SLC26A5: variants seen among roughly 807,000 people sequenced by gnomAD.
The protein encoded by SLC26A5 is prestin.
A neutral mutation model predicts 81.0 loss-of-function variants in SLC26A5; 51 were observed. That is an observed-to-expected ratio of 0.63 (90% confidence interval 0.50 to 0.80). The LOEUF is 0.80. Ranked by LOEUF, SLC26A5 falls within the 30% of genes least tolerant of loss-of-function variation. SLC26A5 has a pLI of 0.00. For missense variants in SLC26A5, 771 were observed against 905.8 expected, an observed-to-expected ratio of 0.85 and a Z score of 1.91; for synonymous variants, 325 against 332.8, an observed-to-expected ratio of 0.98 and a Z score of 0.25.
At chr7:103,354,430 G>A (rs900775734) in intron 19 of SLC26A5, among the ~76,000 whole-genome samples, 4 of 148,656 alleles carry the variant, frequency 2.7e-5, no homozygotes, top group African/African-American at 5.0e-5. Context: ...GTGCAATGGC[G>A]CGATCTTGGT....
intron 14 of SLC26A5, among the ~76,000 whole-genome samples, chr7:103,384,863 T>A (rs980729723): frequency 6.6e-6 from 1 of 152,146 alleles, no homozygotes; most frequent in African/African-American, 2.4e-5. Context: ...CATTACTTCA[T>A]TGTCCTTATT....
chr7:103,374,673 A>T, intron 19 of SLC26A5, 81 bp from the exon 20 acceptor site: 2 of 1,210,490 alleles, frequency 1.7e-6, no homozygotes, highest in Non-Finnish European at 2.3e-6. Context: ...ACTTCCATAT[A>T]GTGTTTTTTT....
At chr7:103,381,192 C>G (rs1003632638) in intron 14 of SLC26A5, among the ~76,000 whole-genome samples, 1 of 151,244 alleles carries the variant, frequency 6.6e-6, no homozygotes, top group Non-Finnish European at 1.5e-5. Context: ...TACACACATA[C>G]CATATACACC....
In SLC26A5 at chr7:103,390,320, G is replaced by A. The variant is rs1822543750; in HGVS notation, c.1311+109C>T. Reference sequence around the variant, plus strand: ...CCTTGGCCCTTTCTCATACCATCCTGTGAGGGTTACAGTAAATAACCCTAA... The same window carrying A: ...CCTTGGCCCTTTCTCATACCATCCTATGAGGGTTACAGTAAATAACCCTAA... On this transcript the variant is annotated intron_variant, in intron 12 of 19. Transcript: ENST00000306312. 5.9e-6 allele frequency: 6 copies of A among 1,017,490 alleles called. No individual in the cohort carries two copies. The South Asian group carries it at 7.8e-5, about 13-fold the overall frequency. The allele number at this position is 1,017,490 out of a possible 1,614,324, so 63.0% of individuals were successfully genotyped here.
At chr7:103,374,158 A>G (rs544810791), downstream of SLC26A5, 25 of 1,292,082 alleles carry the variant, frequency 1.9e-5, no homozygotes, top group African/African-American at 3.6e-4. Flanking sequence ...AGATAATACT[A>G]GAATGTAGCA....
intron 1 of SLC26A5, among the ~76,000 whole-genome samples, chr7:103,444,512 C>T (rs1827129397): frequency 1.3e-5 from 2 of 152,246 alleles, no homozygotes; most frequent in Admixed American, 1.3e-4. Context: ...CCTCACAAGG[C>T]AATCCATTGA....
intron 1 of SLC26A5, among the ~76,000 whole-genome samples, chr7:103,443,907 T>C (rs2041004): frequency 4.6e-5 from 7 of 152,132 alleles, no homozygotes; most frequent in Non-Finnish European, 8.8e-5. Flanking sequence ...AGATTTTGAA[T>C]GGGTGAGCTT....
At chr7:103,421,974 A>G (rs138755362) in intron 2 of SLC26A5, among the ~76,000 whole-genome samples, 1 of 152,300 alleles carries the variant, frequency 6.6e-6, no homozygotes, top group African/African-American at 2.4e-5. Context: ...TATTAGCCTC[A>G]TTTCCAATTC....
chr7:103,435,990 A>G (rs1460984864), intron 2 of SLC26A5, among the ~76,000 whole-genome samples: 1 of 152,174 alleles, frequency 6.6e-6, no homozygotes. Context: ...AAATTTATAA[A>G]ACACATTTTA....
intron 1 of SLC26A5, among the ~76,000 whole-genome samples, chr7:103,444,423 C>A (rs1586425761): frequency 6.6e-6 from 1 of 152,188 alleles, no homozygotes; most frequent in East Asian, 1.9e-4. Context: ...CAGGGGGCAA[C>A]ACATGATATT....
intron 19 of SLC26A5, chr7:103,355,827 G>C (rs762071287): frequency 1.2e-5 from 17 of 1,477,946 alleles, no homozygotes; most frequent in Admixed American, 3.4e-5. Flanking sequence ...ACTTACCTTT[G>C]TCTGTATTTT....
chr7:103,394,195 G>C (rs1822904475), intron 9 of SLC26A5, among the ~76,000 whole-genome samples: 1 of 152,176 alleles, frequency 6.6e-6, no homozygotes, highest in Admixed American at 6.5e-5. Context: ...AGGAAGAAAG[G>C]GAAAGGAACC....
In SLC26A5 at chr7:103,380,529, C is replaced by G. The variant is rs762612994; in HGVS notation, c.1535G>C (p.Gly512Ala). Residue 512 changes from glycine (G) to alanine (A), a missense_variant, in exon 15 of 20, where the codon GGA becomes GCA. Gly to Ala is a moderately conservative substitution (Grantham distance 60). Coordinates refer to ENST00000306312, the MANE Select transcript of SLC26A5 (RefSeq NM_198999.3). The part of the protein sequence containing the change: ...RTQSPSYKVL[G>A]KLPETDVYID... The stretch of plus-strand genomic sequence containing the variant: ...ATACACATCAGTTTCAGGAAGCTTT[C>G]CAAGGACTTTGTAGCTTGGACTGAA... The G allele has an allele frequency of 1.2e-6, 2 of 1,613,728 alleles. No homozygotes were observed. Among genetic ancestry groups the G allele is most frequent in the Non-Finnish European group, 1.7e-6 (2 of 1,179,752 alleles).
At chr7:103,364,985 T>TATA (rs1820631473) in intron 19 of SLC26A5, among the ~76,000 whole-genome samples, 3 of 55,590 alleles carry the variant, frequency 5.4e-5, no homozygotes, top group Non-Finnish European at 8.0e-5. Context: ...ATATATATAT[T>TATA]TAGAGAATAA....
chr7:103,421,384 T>C lies in SLC26A5; in HGVS notation c.131A>G (p.Asp44Gly). 1 of 1,614,080 alleles carries C rather than the reference T, an allele frequency of 6.2e-7. No individual in the cohort carries two copies. The highest frequency in any genetic ancestry group is 8.5e-7 in the Non-Finnish European group (1 of 1,179,974). ...TKDKVPDSIA[D>G]KLKQAFTCTP... ...GTACGTGAATGCCTGTTTCAGCTTATCCGCAATGGAATCAGGAACCTTGTC... is the reference window on the plus strand; with the variant it reads ...GTACGTGAATGCCTGTTTCAGCTTACCCGCAATGGAATCAGGAACCTTGTC... Residue 44 changes from aspartate (D) to glycine (G), a missense_variant, in exon 3 of 20, where the codon GAT becomes GGT. Asp to Gly is a moderately conservative substitution (Grantham distance 94, BLOSUM62 -1). Transcript: ENST00000306312.
At chr7:103,383,255 G>C (rs892122464) in intron 14 of SLC26A5, among the ~76,000 whole-genome samples, 2 of 152,230 alleles carry the variant, frequency 1.3e-5, no homozygotes, top group East Asian at 3.8e-4. Context: ...AGGGGAGGCA[G>C]AGTAAGGGAT....
chr7:103,441,758 A>T (rs975795299), intron 2 of SLC26A5, among the ~76,000 whole-genome samples: 1 of 152,222 alleles, frequency 6.6e-6, no homozygotes, highest in African/African-American at 2.4e-5. Context: ...AGGCAGAATT[A>T]CACCTAATTC....
intron 19 of SLC26A5, among the ~76,000 whole-genome samples, chr7:103,359,848 G>A (rs1008388029): frequency 1.4e-4 from 22 of 152,068 alleles, no homozygotes; most frequent in African/African-American, 5.1e-4. Flanking sequence ...GGGAGGCTGA[G>A]GCAGGTGGAT....
chr7:103,407,722 G>T, intron 8 of SLC26A5, 129 bp downstream of exon 8: 1 of 1,037,330 alleles, frequency 9.6e-7, no homozygotes. Context: ...TGTCAAATTT[G>T]ACAAATTGTA....
Sources: gnomAD v4.1 joint callset for allele counts (sites outside exome capture counted in the v4.1 genomes callset) on GRCh38, gnomAD v4.1.1 for gene constraint, MANE v1.5 for transcripts, NCBI Gene and HGNC (gene_info 2026-07-23, HGNC 2026-07-21) for gene names.